Variants in ZNF385D observed in about 807,000 individuals in gnomAD.
ZNF385D encodes zinc finger protein 659.
ZNF385D carries 15 observed loss-of-function variants against 35.8 expected under a neutral mutation model. The observed-to-expected ratio is 0.42, with a 90% CI of 0.28 to 0.64. The LOEUF is 0.64. Among genes scored for constraint, ZNF385D ranks in the 30% least tolerant of loss-of-function variants. The pLI is 0.23. For missense variants in ZNF385D, 474 were observed against 494.6 expected (o/e 0.96, Z 0.39); for synonymous variants, 212 against 186.8 (o/e 1.13, Z -1.10).
intron 3 of ZNF385D, among the ~76,000 whole-genome samples, chr3:22,095,853 A>G (rs1215603932): frequency 6.8e-6 from 1 of 147,478 alleles, no homozygotes; most frequent in Non-Finnish European, 1.5e-5. Context: ...TTTTTAATTC[A>G]ACATATATAT....
chr3:21,838,877 C>G (rs890208350), intron 3 of ZNF385D, among the ~76,000 whole-genome samples: 1 of 152,022 alleles, frequency 6.6e-6, no homozygotes, highest in Admixed American at 6.6e-5. Context: ...GGTGATATAA[C>G]TTGCTCATAA....
intron 2 of ZNF385D, among the ~76,000 whole-genome samples, chr3:22,349,587 T>C (rs1279789042): frequency 1.3e-5 from 2 of 152,196 alleles, no homozygotes; most frequent in East Asian, 1.9e-4. Flanking sequence ...TTTATAAGAT[T>C]TGACATTTCT....
chr3:21,761,910 C>T (rs1366995896), intron 3 of ZNF385D, among the ~76,000 whole-genome samples: 3 of 114,740 alleles, frequency 2.6e-5, no homozygotes, highest in East Asian at 3.0e-4. Flanking sequence ...GACGGAGTCT[C>T]GCTCTGTCAC....
chr3:22,263,039 C>A (rs928143911), intron 2 of ZNF385D, among the ~76,000 whole-genome samples: 1 of 151,984 alleles, frequency 6.6e-6, no homozygotes, highest in African/African-American at 2.4e-5. Flanking sequence ...TTTTCCACCT[C>A]CAGTATCATC....
chr3:21,606,735 C>A (rs900604677), intron 2 of ZNF385D, among the ~76,000 whole-genome samples: 1 of 152,194 alleles, frequency 6.6e-6, no homozygotes, highest in Non-Finnish European at 1.5e-5. Flanking sequence ...TAAATAAATT[C>A]CACCATCAGA....
chr3:21,527,896 A>C (rs1708324448), intron 3 of ZNF385D, among the ~76,000 whole-genome samples: 1 of 152,250 alleles, frequency 6.6e-6, no homozygotes, highest in African/African-American at 2.4e-5. Context: ...TATCCTAATA[A>C]TGGCTTCCAA....
chr3:22,077,835 G>C (rs895435662), intron 3 of ZNF385D, among the ~76,000 whole-genome samples: 4 of 151,864 alleles, frequency 2.6e-5, no homozygotes, highest in Non-Finnish European at 5.9e-5. Flanking sequence ...GTGTGTTAGT[G>C]ATAGGTTACT....
chr3:22,246,257 G>T (rs1386319706), intron 2 of ZNF385D, among the ~76,000 whole-genome samples: 1 of 152,010 alleles, frequency 6.6e-6, no homozygotes, highest in East Asian at 1.9e-4. Context: ...ATAACTAATA[G>T]CAAAATTATT....
intron 1 of ZNF385D, among the ~76,000 whole-genome samples, chr3:21,717,566 T>C (rs1490953994): frequency 1.3e-5 from 2 of 152,224 alleles, no homozygotes; most frequent in African/African-American, 2.4e-5. Context: ...ATAGTTTCAC[T>C]GTGTCCCCAC....
At chr3:21,945,263 C>T (rs540172478) in intron 3 of ZNF385D, among the ~76,000 whole-genome samples, 3 of 152,120 alleles carry the variant, frequency 2.0e-5, no homozygotes, top group Non-Finnish European at 2.9e-5. Context: ...CTATGCCACA[C>T]AGGCTGGGAT....
At chr3:22,123,922 ATCTC>A (rs34781505) in intron 3 of ZNF385D, among the ~76,000 whole-genome samples, 2,986 of 79,804 alleles carry the variant, frequency 0.037, 56 homozygotes, top group African/African-American at 0.046. Flanking sequence ...GCTAGACTCC[ATCTC>A]TCTCTCTCTC....
chr3:21,470,396 A>G (rs1703808679), intron 4 of ZNF385D, among the ~76,000 whole-genome samples: 1 of 152,152 alleles, frequency 6.6e-6, no homozygotes, highest in Admixed American at 6.6e-5. Context: ...TTCTGCCTAC[A>G]TTGTCCCCAG....
chr3:21,827,621 G>A (rs1694725656), intron 3 of ZNF385D, among the ~76,000 whole-genome samples: 1 of 152,124 alleles, frequency 6.6e-6, no homozygotes, highest in African/African-American at 2.4e-5. Flanking sequence ...CATATAGGGA[G>A]GAGATTAGTA....
At chr3:21,835,293 G>C (rs932173948) in intron 3 of ZNF385D, among the ~76,000 whole-genome samples, 8 of 151,648 alleles carry the variant, frequency 5.3e-5, no homozygotes, top group African/African-American at 1.9e-4. Flanking sequence ...AATAAATATA[G>C]TTCTTAGTAC....
At chr3:21,672,205 T>G (rs979608266) in intron 1 of ZNF385D, among the ~76,000 whole-genome samples, 1 of 152,198 alleles carries the variant, frequency 6.6e-6, no homozygotes, top group Non-Finnish European at 1.5e-5. Flanking sequence ...GACATAATAT[T>G]TGAATTTAGT....
intron 3 of ZNF385D, among the ~76,000 whole-genome samples, chr3:21,861,465 G>A (rs1697050273): frequency 6.6e-6 from 1 of 152,096 alleles, no homozygotes; most frequent in African/African-American, 2.4e-5. Flanking sequence ...TCTCTCTTGT[G>A]TGAGGAGTGC....
intron 3 of ZNF385D, among the ~76,000 whole-genome samples, chr3:21,967,229 G>A (rs1448059952): frequency 6.6e-6 from 1 of 151,878 alleles, no homozygotes; most frequent in Non-Finnish European, 1.5e-5. Flanking sequence ...TTCAGTCCTG[G>A]GGAAGTAAAT....
chr3:21,975,359 A>T (rs1703529234), intron 3 of ZNF385D, among the ~76,000 whole-genome samples: 1 of 152,142 alleles, frequency 6.6e-6, no homozygotes, highest in Admixed American at 6.6e-5. Flanking sequence ...AAATTAAAAC[A>T]ATGCAACTCA....
At chr3:22,245,068 T>C (rs992756771) in intron 2 of ZNF385D, among the ~76,000 whole-genome samples, 1 of 152,146 alleles carries the variant, frequency 6.6e-6, no homozygotes, top group Non-Finnish European at 1.5e-5. Flanking sequence ...CTATGCTGTA[T>C]AAGTCTTCAT....
Sources: gnomAD v4.1 joint callset for allele counts (sites outside exome capture counted in the v4.1 genomes callset) on GRCh38, gnomAD v4.1.1 for gene constraint, MANE v1.5 for transcripts, NCBI Gene and HGNC (gene_info 2026-07-23, HGNC 2026-07-21) for gene names.